The following RGS6 variants were observed in gnomAD, a reference collection of about 807,000 sequenced individuals.
RGS6 encodes the protein regulator of G protein signaling 6, also known as regulator of G-protein signaling 6.
Under a neutral mutation model 78.5 loss-of-function variants are expected in RGS6, and 30 were observed. The observed-to-expected ratio is 0.38, with a 90% CI of 0.29 to 0.52. RGS6 has a LOEUF of 0.52. RGS6 is among the 20% of genes least tolerant of loss of function. The pLI, the probability that RGS6 is intolerant of heterozygous loss-of-function variation, is 0.85. For missense variants in RGS6, 495 were observed against 609.7 expected, an observed-to-expected ratio of 0.81 and a Z score of 1.98; for synonymous variants, 206 against 206.0, an observed-to-expected ratio of 1.00 and a Z score of 0.00.
At chr14:72,058,710 C>T (rs1242085958) in intron 2 of RGS6, among the ~76,000 whole-genome samples, 1 of 152,124 alleles carries the variant, frequency 6.6e-6, no homozygotes, top group Non-Finnish European at 1.5e-5. Flanking sequence ...ACAACTTTGT[C>T]TGAGACCTGA....
chr14:72,182,578 G>A (rs990325676), intron 2 of RGS6, among the ~76,000 whole-genome samples: 1 of 152,148 alleles, frequency 6.6e-6, no homozygotes, highest in African/African-American at 2.4e-5. Flanking sequence ...GAGAGAGATG[G>A]TGGACAGGGT....
chr14:72,357,710 A>G (rs892692930), intron 3 of RGS6, among the ~76,000 whole-genome samples: 4 of 152,182 alleles, frequency 2.6e-5, no homozygotes, highest in African/African-American at 9.7e-5. Flanking sequence ...TCTGGACACA[A>G]GAGAGCATAA....
intron 15 of RGS6, among the ~76,000 whole-genome samples, chr14:72,533,626 T>C (rs191488354): frequency 6.6e-6 from 1 of 152,304 alleles, no homozygotes; most frequent in East Asian, 1.9e-4. Context: ...TTGTGTTTCG[T>C]GGAAAGAAGT....
At chr14:72,385,426 C>T (rs2087651033) in intron 3 of RGS6, among the ~76,000 whole-genome samples, 1 of 152,114 alleles carries the variant, frequency 6.6e-6, no homozygotes, top group South Asian at 2.1e-4. Flanking sequence ...TTGTTGGTAG[C>T]CAAGTCTCCT....
the RGS6 span, among the ~76,000 whole-genome samples, chr14:72,580,316 C>A: frequency 3.6e-5 from 5 of 137,416 alleles, no homozygotes; most frequent in Non-Finnish European, 8.1e-5. Context: ...GTCCCCCCCA[C>A]CCCGACCCCA....
intron 3 of RGS6, among the ~76,000 whole-genome samples, chr14:72,414,964 T>TA (rs2093694726): frequency 1.3e-5 from 2 of 152,108 alleles, no homozygotes; most frequent in African/African-American, 4.8e-5. Context: ...CTGCCCCTAC[T>TA]GGGGGGGTGC....
intron 6 of RGS6, among the ~76,000 whole-genome samples, chr14:72,461,287 T>C (rs987651585): frequency 2.6e-5 from 4 of 152,158 alleles, no homozygotes; most frequent in African/African-American, 9.7e-5. Flanking sequence ...TAAGACCAGA[T>C]ACCTGGGCCC....
chr14:72,518,222 T>C, intron 14 of RGS6, 129 bp from the exon 15 acceptor site: 2 of 768,786 alleles, frequency 2.6e-6, no homozygotes, highest in East Asian at 2.5e-5. Context: ...GCAGCTCATG[T>C]AGTGGCATCA....
chr14:72,386,972 G>A lies in RGS6; in HGVS notation c.184+34778G>A, dbSNP rs542569343. On this transcript the variant is annotated intron_variant, in intron 3 of 17. Coordinates refer to ENST00000553525, the MANE Select transcript of RGS6 (RefSeq NM_001204424.2). ...CACTTGGAAACTTTTTCAGATGAGA[G>A]AACTGCTGTATCCTGATGGTGAGGG... is the stretch of plus-strand genomic sequence containing the variant. 3.3e-5 allele frequency among the ~76,000 whole-genome samples: 5 copies of A among 152,188 alleles called. No homozygotes were observed. The South Asian group carries it at 1.0e-3, about 32-fold the overall frequency.
intron 2 of RGS6, among the ~76,000 whole-genome samples, chr14:72,106,596 T>C (rs1020642493): frequency 3.9e-5 from 6 of 152,238 alleles, no homozygotes; most frequent in African/African-American, 1.4e-4. Context: ...TCTTGAGTTT[T>C]CCAGTAATTA....
At chr14:72,331,338 G>A (rs776494148) in intron 2 of RGS6, among the ~76,000 whole-genome samples, 1 of 152,120 alleles carries the variant, frequency 6.6e-6, no homozygotes, top group Non-Finnish European at 1.5e-5. Flanking sequence ...CAGGCATTAG[G>A]ATTTTGTTTA....
intron 2 of RGS6, among the ~76,000 whole-genome samples, chr14:72,159,896 A>T (rs2096828790): frequency 2.0e-5 from 3 of 152,222 alleles, no homozygotes; most frequent in Admixed American, 1.3e-4. Flanking sequence ...GCCAATTTGA[A>T]ACTTTGCAAA....
At chr14:72,537,752 C>A in intron 16 of RGS6, 4 of 587,468 alleles carry the variant, frequency 6.8e-6, no homozygotes, top group Non-Finnish European at 1.2e-5. Context: ...GCTCAAGACC[C>A]CTGATCTGAT....
At chr14:72,097,301 G>A (rs2095429296) in intron 2 of RGS6, among the ~76,000 whole-genome samples, 1 of 152,190 alleles carries the variant, frequency 6.6e-6, no homozygotes, top group African/African-American at 2.4e-5. Flanking sequence ...TAGTGGCTGA[G>A]CAGAGAATGC....
At chr14:72,222,464 A>G (rs1240679121) in intron 2 of RGS6, among the ~76,000 whole-genome samples, 1 of 152,252 alleles carries the variant, frequency 6.6e-6, no homozygotes, top group Non-Finnish European at 1.5e-5. Flanking sequence ...GATACCATGC[A>G]GGGTGGGACA....
intron 3 of RGS6, among the ~76,000 whole-genome samples, chr14:72,428,404 G>A (rs546698088): frequency 9.9e-5 from 15 of 152,264 alleles, no homozygotes; most frequent in African/African-American, 2.9e-4. Flanking sequence ...ATGGACAGAT[G>A]TGAGGATTTC....
chr14:72,406,689 C>G (rs2092955816), intron 3 of RGS6, among the ~76,000 whole-genome samples: 1 of 152,196 alleles, frequency 6.6e-6, no homozygotes. Context: ...TTGGCAATGT[C>G]TGTTACTGAC....
At chr14:71,950,650 A>C (rs986339244) in intron 1 of RGS6, among the ~76,000 whole-genome samples, 1 of 152,192 alleles carries the variant, frequency 6.6e-6, no homozygotes, top group Non-Finnish European at 1.5e-5. Context: ...ATGGGAGAGA[A>C]TTTTTGCAAC....
chr14:72,087,011 A>G (rs997473246), intron 2 of RGS6, among the ~76,000 whole-genome samples: 7 of 152,202 alleles, frequency 4.6e-5, no homozygotes, highest in African/African-American at 1.7e-4. Flanking sequence ...GTTTATTACT[A>G]TGTGTTCTTA....
Sources: allele counts gnomAD v4.1 joint callset (sites outside exome capture counted in the v4.1 genomes callset), GRCh38; gene constraint gnomAD v4.1.1; transcripts MANE v1.5; gene names NCBI Gene and HGNC (gene_info 2026-07-23, HGNC 2026-07-21).